Variants in SPECC1 observed in about 807,000 individuals in gnomAD.
SPECC1 encodes the protein sperm antigen with calponin homology and coiled-coil domains 1, also known as cytospin-B.
A neutral mutation model predicts 104.1 loss-of-function variants in SPECC1; 62 were observed. The ratio of observed to expected loss-of-function variants is 0.60; its 90% CI spans 0.49 to 0.74. The LOEUF (loss-of-function observed/expected upper bound fraction) is 0.74, where lower values mean the gene tolerates loss of function less well. Among genes scored for constraint, SPECC1 ranks in the 30% least tolerant of loss-of-function variants. The pLI, the probability that SPECC1 is intolerant of heterozygous loss-of-function variation, is 0.00. For missense variants in SPECC1, 1,306 were observed against 1,310.5 expected (o/e 1.00, Z 0.05); for synonymous variants, 513 against 501.6 (o/e 1.02, Z -0.30).
chr17:20,111,906 T>C (rs1204197785), intron 3 of SPECC1: 3 of 791,944 alleles, frequency 3.8e-6, no homozygotes, highest in Non-Finnish European at 6.9e-6. Context: ...TCTGATTTGC[T>C]TTCTGTGGCC....
At chr17:20,168,467 A>G (rs1218625238) in intron 3 of SPECC1, among the ~76,000 whole-genome samples, 3 of 152,188 alleles carry the variant, frequency 2.0e-5, no homozygotes, top group Non-Finnish European at 4.4e-5. Flanking sequence ...GATAAATAAA[A>G]TGCTCTAAAA....
intron 3 of SPECC1, among the ~76,000 whole-genome samples, chr17:20,192,454 A>G (rs973993246): frequency 3.9e-5 from 6 of 152,196 alleles, no homozygotes; most frequent in African/African-American, 1.2e-4. Context: ...AGGATTTAAC[A>G]CATGGCCCTG....
At chr17:20,239,532 A>G (rs947753895) in intron 7 of SPECC1, 3 of 159,206 alleles carry the variant, frequency 1.9e-5, no homozygotes, top group South Asian at 2.0e-4. Flanking sequence ...TAGGAAGGAT[A>G]TGTCCTGGAA....
rs747499400 is a variant in SPECC1 at position 20,096,792 on chromosome 17, C to T, written c.141C>T (p.Leu47=). 6 of 1,613,412 alleles carry T rather than the reference C, an allele frequency of 3.7e-6. No homozygotes were observed. The highest frequency in any genetic ancestry group is 5.1e-6 in the Non-Finnish European group (6 of 1,179,594). ...SSTSLAFESR[L]SRLKRASSED... is the part of the protein sequence containing the mutation. ...CTTCCTTGGCTTTTGAGTCCCGACT[C>T]AGCAGGGTATGGATCAAAATGCACA... The change falls in exon 2 of 15, where the codon CTC becomes CTT. Residue 47 remains leucine (L), a synonymous_variant. Transcript: ENST00000395527.
intron 7 of SPECC1, among the ~76,000 whole-genome samples, chr17:20,234,673 G>A (rs2151490627): frequency 6.6e-6 from 1 of 152,286 alleles, no homozygotes; most frequent in East Asian, 1.9e-4. Context: ...GGTCCTCAAG[G>A]ACAACTGAGA....
intron 3 of SPECC1, among the ~76,000 whole-genome samples, chr17:20,201,388 A>G (rs2036424340): frequency 6.6e-6 from 1 of 152,088 alleles, no homozygotes; most frequent in Non-Finnish European, 1.5e-5. Flanking sequence ...ATGCTGAGGC[A>G]GGAGAATCAC....
intron 1 of SPECC1, among the ~76,000 whole-genome samples, chr17:20,083,993 G>C (rs1008135662): frequency 1.3e-5 from 2 of 152,132 alleles, no homozygotes; most frequent in African/African-American, 2.4e-5. Context: ...ATGATGTCAA[G>C]CATTTTTTCA....
intron 1 of SPECC1, among the ~76,000 whole-genome samples, chr17:20,091,606 G>A (rs564664292): frequency 6.6e-6 from 1 of 152,306 alleles, no homozygotes; most frequent in African/African-American, 2.4e-5. Context: ...TGTAGAAGAG[G>A]TCAGGAGCAA....
intron 3 of SPECC1, among the ~76,000 whole-genome samples, chr17:20,185,945 C>T (rs2035245081): frequency 6.6e-6 from 1 of 152,176 alleles, no homozygotes; most frequent in African/African-American, 2.4e-5. Flanking sequence ...TCAAGCTATT[C>T]TTCTGCCTCA....
chr17:20,046,345 A>G (rs2045537579), intron 1 of SPECC1, among the ~76,000 whole-genome samples: 1 of 152,164 alleles, frequency 6.6e-6, no homozygotes. Context: ...TCCATAGTTA[A>G]CCCAGACCAT....
intron 1 of SPECC1, among the ~76,000 whole-genome samples, chr17:20,075,573 A>AGGAG (rs1179790294): frequency 6.6e-6 from 1 of 152,104 alleles, no homozygotes; most frequent in East Asian, 1.9e-4. Flanking sequence ...GAGGAGAAGA[A>AGGAG]GGAGGATTGC....
At chr17:20,101,073 T>A (rs1386572946) in intron 2 of SPECC1, among the ~76,000 whole-genome samples, 1 of 152,218 alleles carries the variant, frequency 6.6e-6, no homozygotes, top group East Asian at 1.9e-4. Flanking sequence ...CATTGATGGA[T>A]GTTTAGGTTG....
intron 1 of SPECC1, among the ~76,000 whole-genome samples, chr17:20,087,404 T>C (rs1232021609): frequency 5.3e-5 from 8 of 152,220 alleles, no homozygotes; most frequent in African/African-American, 1.4e-4. Flanking sequence ...GGGGCTCTCA[T>C]CCTGAAAGCA....
intron 9 of SPECC1, among the ~76,000 whole-genome samples, chr17:20,252,996 G>T (rs2039689315): frequency 6.6e-6 from 1 of 151,564 alleles, no homozygotes; most frequent in Admixed American, 6.6e-5. Context: ...CAGTACACAG[G>T]AGTTTCATTT....
At chr17:20,238,367 A>T in intron 7 of SPECC1, 1 of 1,041,066 alleles carries the variant, frequency 9.6e-7, no homozygotes, top group Non-Finnish European at 1.2e-6. Context: ...GTTTGTGAAG[A>T]TCCAAATCCA....
chr17:20,149,671 CT>C (rs2031807030), intron 3 of SPECC1, among the ~76,000 whole-genome samples: 1 of 152,146 alleles, frequency 6.6e-6, no homozygotes, highest in Admixed American at 6.5e-5. Flanking sequence ...TATATCATAG[CT>C]CTGAGTGCAA....
At chr17:20,128,063 A>G (rs1032931231) in intron 3 of SPECC1, among the ~76,000 whole-genome samples, 3 of 152,224 alleles carry the variant, frequency 2.0e-5, no homozygotes, top group African/African-American at 7.2e-5. Flanking sequence ...GAAGAAATAA[A>G]AGGCAAATAA....
intron 13 of SPECC1, among the ~76,000 whole-genome samples, chr17:20,305,202 A>G (rs912776479): frequency 2.6e-5 from 4 of 152,042 alleles, no homozygotes; most frequent in Admixed American, 6.6e-5. Flanking sequence ...CTAGTCAGAG[A>G]GCGCCGAGGA....
chr17:20,014,394 CTG>C (rs1369693394), intron 1 of SPECC1, among the ~76,000 whole-genome samples: 1 of 152,142 alleles, frequency 6.6e-6, no homozygotes, highest in Non-Finnish European at 1.5e-5. Flanking sequence ...TTTAGGTAAA[CTG>C]TAAATTTTTC....
Sources: allele counts gnomAD v4.1 joint callset (sites outside exome capture counted in the v4.1 genomes callset), GRCh38; gene constraint gnomAD v4.1.1; transcripts MANE v1.5; gene names NCBI Gene and HGNC (gene_info 2026-07-23, HGNC 2026-07-21).